Variants in GALNT17 observed in about 807,000 individuals in gnomAD.
The protein encoded by GALNT17 is polypeptide N-acetylgalactosaminyltransferase 17.
In GALNT17, 29 loss-of-function variants were observed where a neutral mutation model predicts 63.7. The observed-to-expected ratio is 0.46, with a 90% CI of 0.34 to 0.62. GALNT17 has a LOEUF of 0.62. Ranked by LOEUF, GALNT17 falls within the 20% of genes least tolerant of loss-of-function variation. The pLI is 0.01. For synonymous variants in GALNT17, 305 were observed against 318.3 expected, an observed-to-expected ratio of 0.96 and a Z score of 0.45; for missense variants, 603 against 799.6, an observed-to-expected ratio of 0.75 and a Z score of 2.97.
intron 1 of GALNT17, among the ~76,000 whole-genome samples, chr7:71,329,949 A>G (rs531814179): frequency 6.5e-5 from 9 of 138,226 alleles, no homozygotes; most frequent in African/African-American, 2.0e-4. Flanking sequence ...ATACACACAT[A>G]TGTGTGTGTG....
chr7:71,204,354 T>TA (rs1789231234), intron 1 of GALNT17, among the ~76,000 whole-genome samples: 1 of 152,172 alleles, frequency 6.6e-6, no homozygotes, highest in Non-Finnish European at 1.5e-5. Flanking sequence ...TTTGTTTTGT[T>TA]TGCACGAGAT....
chr7:71,432,647 C>G (rs974274332), intron 5 of GALNT17, among the ~76,000 whole-genome samples: 5 of 152,060 alleles, frequency 3.3e-5, no homozygotes, highest in African/African-American at 1.2e-4. Context: ...TATGAAGATA[C>G]TGAAGGTGGG....
intron 2 of GALNT17, among the ~76,000 whole-genome samples, chr7:71,345,825 C>CT (rs905808086): frequency 6.6e-6 from 1 of 152,038 alleles, no homozygotes; most frequent in Non-Finnish European, 1.5e-5. Context: ...AATCATTCCT[C>CT]TAACAATAGA....
chr7:71,353,747 A>G (rs1258119691), intron 2 of GALNT17, among the ~76,000 whole-genome samples: 3 of 152,220 alleles, frequency 2.0e-5, no homozygotes, highest in African/African-American at 7.2e-5. Context: ...GAAGCCACTC[A>G]TTACTTGTCT....
intron 5 of GALNT17, among the ~76,000 whole-genome samples, chr7:71,524,248 ATATATAT>A (rs1029958532): frequency 6.1e-5 from 9 of 147,258 alleles, no homozygotes; most frequent in African/African-American, 2.0e-4. Context: ...TATAATAATA[ATATATAT>A]TATATTATAT....
At chr7:71,669,425 CG>C (rs1562729248) in intron 7 of GALNT17, among the ~76,000 whole-genome samples, 1 of 151,856 alleles carries the variant, frequency 6.6e-6, no homozygotes, top group African/African-American at 2.4e-5. Context: ...GCAGGAGAAT[CG>C]CTTGAACCCG....
intron 5 of GALNT17, among the ~76,000 whole-genome samples, chr7:71,467,104 A>G (rs1004891294): frequency 1.3e-5 from 2 of 152,152 alleles, no homozygotes; most frequent in Non-Finnish European, 2.9e-5. Flanking sequence ...AAGTTCCTAA[A>G]TAGCTTCTTT....
intron 1 of GALNT17, among the ~76,000 whole-genome samples, chr7:71,246,278 A>G (rs1790095911): frequency 6.7e-6 from 1 of 148,394 alleles, no homozygotes. Context: ...CCCACCCACC[A>G]CTCCTGGCTA....
At chr7:71,554,973 G>A (rs1437559069) in intron 5 of GALNT17, among the ~76,000 whole-genome samples, 6 of 152,156 alleles carry the variant, frequency 3.9e-5, no homozygotes, top group African/African-American at 7.2e-5. Flanking sequence ...GAAGCATGGT[G>A]CCAACATCTG....
intron 1 of GALNT17, among the ~76,000 whole-genome samples, chr7:71,171,899 T>C (rs1788553123): frequency 6.6e-6 from 1 of 152,210 alleles, no homozygotes; most frequent in African/African-American, 2.4e-5. Flanking sequence ...TAGAGTGTTT[T>C]CCTTGACTAT....
intron 6 of GALNT17, among the ~76,000 whole-genome samples, chr7:71,629,809 A>G (rs1336395088): frequency 6.6e-6 from 1 of 152,180 alleles, no homozygotes; most frequent in Non-Finnish European, 1.5e-5. Context: ...TTTTATAGAG[A>G]GGCAGTCTTG....
chr7:71,145,558 AT>A (rs1235822862), intron 1 of GALNT17, among the ~76,000 whole-genome samples: 3 of 152,216 alleles, frequency 2.0e-5, no homozygotes, highest in Non-Finnish European at 4.4e-5. Flanking sequence ...TTCTAGGACA[AT>A]TGGTAGCAAA....
chr7:71,419,369 G>GT (rs534859913), intron 4 of GALNT17, among the ~76,000 whole-genome samples: 124 of 152,220 alleles, frequency 8.1e-4, no homozygotes, highest in Non-Finnish European at 1.5e-3. Context: ...GCTGATCATT[G>GT]TATCTACCTC....
At chr7:71,322,230 A>G (rs1172163725) in intron 1 of GALNT17, among the ~76,000 whole-genome samples, 1 of 152,096 alleles carries the variant, frequency 6.6e-6, no homozygotes, top group Non-Finnish European at 1.5e-5. Flanking sequence ...CTGGGATTAC[A>G]GGTGTGAACC....
intron 5 of GALNT17, among the ~76,000 whole-genome samples, chr7:71,425,702 G>A (rs1346615289): frequency 7.9e-5 from 12 of 152,172 alleles, no homozygotes; most frequent in African/African-American, 2.7e-4. Flanking sequence ...TTGGAGACCT[G>A]TGTTGTTCCC....
At chr7:71,490,557 A>G (rs1409299020) in intron 5 of GALNT17, among the ~76,000 whole-genome samples, 1 of 152,030 alleles carries the variant, frequency 6.6e-6, no homozygotes, top group African/African-American at 2.4e-5. Context: ...CTGAGGCAGA[A>G]GGGTCCCTTG....
At chr7:71,246,697 C>A (rs536846304) in intron 1 of GALNT17, among the ~76,000 whole-genome samples, 1 of 151,606 alleles carries the variant, frequency 6.6e-6, no homozygotes, top group African/African-American at 2.4e-5. Context: ...GGGCATGTGG[C>A]GGGCGCCTGT....
At chr7:71,523,759 ATAAAT>A (rs1334444157) in intron 5 of GALNT17, among the ~76,000 whole-genome samples, 1 of 146,414 alleles carries the variant, frequency 6.8e-6, no homozygotes, top group Non-Finnish European at 1.5e-5. Context: ...AAATAAATAA[ATAAAT>A]AAATAAATAA....
At chr7:71,638,696 T>C (rs890272265) in intron 6 of GALNT17, among the ~76,000 whole-genome samples, 1 of 152,158 alleles carries the variant, frequency 6.6e-6, no homozygotes. Flanking sequence ...GACAGGTCTT[T>C]TGGTATTCTG....
Sources: gnomAD v4.1 joint callset for allele counts (sites outside exome capture counted in the v4.1 genomes callset) on GRCh38, gnomAD v4.1.1 for gene constraint, MANE v1.5 for transcripts, NCBI Gene and HGNC (gene_info 2026-07-23, HGNC 2026-07-21) for gene names.